The following ESPNL variants were observed in gnomAD, a reference collection of about 807,000 sequenced individuals.
ESPNL encodes the protein espin-like protein.
In ESPNL, 49 loss-of-function variants were observed where a neutral mutation model predicts 46.8. The ratio of observed to expected loss-of-function variants is 1.05; its 90% CI spans 0.83 to 1.33. The LOEUF is 1.33. Among genes scored for constraint, ESPNL ranks in the 40% most tolerant of loss-of-function variants. ESPNL has a pLI of 0.00. For missense variants in ESPNL, 1,540 were observed against 1,436.6 expected (o/e 1.07, Z -1.16); for synonymous variants, 664 against 662.1 (o/e 1.00, Z -0.04).
At chr2:238,112,439 A>G (rs1691734103) in intron 4 of ESPNL, among the ~76,000 whole-genome samples, 1 of 151,648 alleles carries the variant, frequency 6.6e-6, no homozygotes, top group East Asian at 1.9e-4. Context: ...GTTAGTCAGT[A>G]GTTTTTCCAA....
intron 3 of ESPNL, among the ~76,000 whole-genome samples, chr2:238,106,180 T>C (rs923784046): frequency 1.3e-5 from 2 of 152,190 alleles, no homozygotes; most frequent in African/African-American, 4.8e-5. Flanking sequence ...CTTCACCACC[T>C]GCTACGTTCC....
Position 238,128,205 on chromosome 2 carries a change from C to T in ESPNL, c.1215+471C>T, listed in dbSNP as rs533398879. ...AGAAAGCCAGCCCAGACTTTCCCTG[C>T]GTGGTACTGCAGATTCTCAACCATT... On this transcript the variant is annotated intron_variant, in intron 7 of 8. Transcript: ENST00000343063. Among the ~76,000 whole-genome samples, 8 of 152,320 alleles carry T rather than the reference C, an allele frequency of 5.3e-5. No individual in the cohort carries two copies. In the East Asian group the frequency reaches 9.7e-4, roughly 18 times the overall value.
At chr2:238,126,921 C>CTGTGTGTCTGTGATTGTCTA (rs1553574033) in intron 6 of ESPNL, among the ~76,000 whole-genome samples, 1 of 146,640 alleles carries the variant, frequency 6.8e-6, no homozygotes, top group South Asian at 2.2e-4. Flanking sequence ...ATGATCGTGT[C>CTGTGTGTCTGTGATTGTCTA]TGTGTGTCTG....
At chr2:238,103,752 G>A (rs2106464022) in intron 2 of ESPNL, among the ~76,000 whole-genome samples, 1 of 152,342 alleles carries the variant, frequency 6.6e-6, no homozygotes, top group African/African-American at 2.4e-5. Context: ...CAGCCCTTTG[G>A]GGCACATTCC....
At chr2:238,102,607 C>T (rs1309818441) in intron 2 of ESPNL, among the ~76,000 whole-genome samples, 1 of 152,152 alleles carries the variant, frequency 6.6e-6, no homozygotes, top group Non-Finnish European at 1.5e-5. Context: ...CCCCTAGAGC[C>T]GGGCGCTGGC....
chr2:238,100,697 G>C lies in ESPNL; in HGVS notation c.278G>C (p.Gly93Ala), dbSNP rs1691447113. Residue 93 changes from glycine to alanine, a missense_variant, in exon 1 of 9, where the codon GGG becomes GCG. Transcript: ENST00000343063. ...GAGCTGTGCTGGCTGGTCCGCGAGG[G>C]GGGCTGCGGTCTGCAGGTGAGCGGG... ...LAELCWLVRE[G>A]GCGLQDQDAS... 1 of 1,421,578 alleles carries C rather than the reference G, an allele frequency of 7.0e-7. No homozygotes were observed. The highest frequency in any genetic ancestry group is 9.1e-7 in the Non-Finnish European group (1 of 1,097,258). 88.1% of individuals were successfully genotyped at this position (1,421,578 alleles called of 1,614,324 possible).
At chr2:238,102,474 C>T (rs1357525653) in intron 2 of ESPNL, among the ~76,000 whole-genome samples, 1 of 152,152 alleles carries the variant, frequency 6.6e-6, no homozygotes, top group Non-Finnish European at 1.5e-5. Flanking sequence ...CAGCTGGGGA[C>T]GTGGGCAGCT....
At position 238,125,286 on chromosome 2, in the gene ESPNL, C is replaced by T. The variant is rs575038995; in HGVS notation, c.1004C>T (p.Thr335Met). The T allele has an allele frequency of 2.1e-5, 32 of 1,526,298 alleles. No homozygotes were observed. The highest frequency in any genetic ancestry group is 9.7e-5 in the African/African-American group (7 of 72,204). 94.5% of individuals were successfully genotyped at this position (1,526,298 alleles called of 1,614,324 possible). A position where few individuals can be genotyped will look rare whatever the true frequency, so the allele number is the denominator to read the frequency against. Residue 335 changes from threonine (T) to methionine (M), a missense_variant, in exon 6 of 9, where the codon ACG becomes ATG. Thr to Met is a moderately conservative substitution (Grantham distance 81). Coordinates refer to ENST00000343063, the MANE Select transcript of ESPNL (RefSeq NM_194312.4). ...CACCCACAGGTGCCCCTGCTGATGACGCCCCCACCACCACCGTTCCCCCCA... is the reference window on the plus strand; with the variant it reads ...CACCCACAGGTGCCCCTGCTGATGATGCCCCCACCACCACCGTTCCCCCCA... ...EVAQPVPLLM[T>M]PPPPPFPPPP...
chr2:238,131,264 C>G lies in ESPNL; in HGVS notation c.2550C>G (p.Tyr850Ter). 1 of 1,576,764 alleles carries G rather than the reference C, an allele frequency of 6.3e-7. No individual in the cohort carries two copies. Among genetic ancestry groups the G allele is most frequent in the Non-Finnish European group, 8.6e-7 (1 of 1,163,534 alleles). ...ACGTGGACGGGGCTCCGGTGCCCTA[C>G]AGCAGCCTCTCACTGGATCTCTTCA... ...LPHVDGAPVP[Y>*]SSLSLDLFML... is the part of the protein sequence containing the mutation. The change falls in exon 9 of 9, where the codon TAC becomes TAG. Residue 850 changes from tyrosine to a stop codon, truncating the protein, a stop_gained. Coordinates refer to ENST00000343063, the MANE Select transcript of ESPNL (RefSeq NM_194312.4). LOFTEE classifies it low-confidence loss of function (END_TRUNC).
In ESPNL at chr2:238,100,697, G is replaced by A; in HGVS notation, c.278G>A (p.Gly93Glu). 7.0e-7 allele frequency: 1 copy of A among 1,421,696 alleles called. No individual in the cohort carries two copies. Among genetic ancestry groups the A allele is most frequent in the Non-Finnish European group, 9.1e-7 (1 of 1,097,250 alleles). 88.1% of individuals were successfully genotyped at this position (1,421,696 alleles called of 1,614,324 possible). Residue 93 changes from glycine (G) to glutamate (E), a missense_variant, in exon 1 of 9, where the codon GGG becomes GAG. Coordinates refer to ENST00000343063, the MANE Select transcript of ESPNL (RefSeq NM_194312.4). ...LAELCWLVRE[G>E]GCGLQDQDAS... ...GAGCTGTGCTGGCTGGTCCGCGAGG[G>A]GGGCTGCGGTCTGCAGGTGAGCGGG... is the stretch of plus-strand genomic sequence containing the variant.
chr2:238,129,261 C>T, intron 8 of ESPNL: 1 of 1,172,242 alleles, frequency 8.5e-7, no homozygotes, highest in Non-Finnish European at 1.1e-6. Context: ...GTGCGATTCC[C>T]ACTGCTGTGG....
rs865786195 is a variant in ESPNL at position 238,114,533 on chromosome 2, C to T, written c.856-2370C>T. Reference sequence around the variant, plus strand: ...GGCTTCAGCGACCTGCCCCAGCCTCCCCAGCCCCGGTGTCCTTGCACATCT... The same window carrying T: ...GGCTTCAGCGACCTGCCCCAGCCTCTCCAGCCCCGGTGTCCTTGCACATCT... On this transcript the variant is annotated intron_variant, in intron 4 of 8. Transcript: ENST00000343063. The surrounding 1 kb of genome is among the most constrained non-coding windows in gnomAD (Gnocchi z 5.0). Among the ~76,000 whole-genome samples the T allele has an allele frequency of 9.9e-5, 15 of 152,282 alleles. No individual in the cohort carries two copies. The highest frequency in any genetic ancestry group is 6.8e-3 in the Middle Eastern group (2 of 294).
chr2:238,104,606 G>A (rs773152342), intron 2 of ESPNL, 50 bp from the exon 3 acceptor site: 2 of 1,492,534 alleles, frequency 1.3e-6, no homozygotes, highest in East Asian at 2.5e-5. Flanking sequence ...CCGAGGGATG[G>A]GCTCAGCCAT....
intron 5 of ESPNL, 50 bp downstream of exon 5, chr2:238,117,084 G>A (rs746872078): frequency 8.3e-6 from 13 of 1,562,710 alleles, no homozygotes; most frequent in Non-Finnish European, 1.1e-5. Flanking sequence ...GGTGGGCCCA[G>A]ACCCCAGCCA....
chr2:238,127,704 G>C lies in ESPNL; in HGVS notation c.1185G>C (p.Arg395Ser), dbSNP rs1436337424. 5.6e-6 allele frequency: 9 copies of C among 1,612,132 alleles called. No individual in the cohort carries two copies. Among genetic ancestry groups the C allele is most frequent in the African/African-American group, 2.7e-5 (2 of 74,840 alleles). The part of the protein sequence containing the change: ...REQMTSPAPP[R>S]IITSATADPE... Reference sequence around the variant, plus strand: ...AGATGACCAGCCCGGCCCCTCCGAGGATCATCACCAGTGCCACGGCTGACC... The same window carrying C: ...AGATGACCAGCCCGGCCCCTCCGAGCATCATCACCAGTGCCACGGCTGACC... Residue 395 changes from arginine (R) to serine (S), a missense_variant, in exon 7 of 9, where the codon AGG becomes AGC. Arg to Ser is a moderately radical substitution (Grantham distance 110, BLOSUM62 -1). Transcript: ENST00000343063.
At chr2:238,124,604 T>G (rs1374095937) in intron 5 of ESPNL, among the ~76,000 whole-genome samples, 1 of 141,118 alleles carries the variant, frequency 7.1e-6, no homozygotes, top group African/African-American at 2.7e-5. Context: ...AGTGTACGTG[T>G]GTGTGCAGGA....
At chr2:238,120,432 C>T (rs1024884613) in intron 5 of ESPNL, among the ~76,000 whole-genome samples, 11 of 152,234 alleles carry the variant, frequency 7.2e-5, no homozygotes, top group African/African-American at 2.2e-4. Flanking sequence ...ACACTGTTCC[C>T]GCCCCAGCCA....
intron 4 of ESPNL, among the ~76,000 whole-genome samples, chr2:238,115,918 C>T (rs957367705): frequency 2.6e-5 from 4 of 152,300 alleles, no homozygotes; most frequent in South Asian, 2.1e-4. Context: ...GTGATCCACC[C>T]GCCTTGGCCT....
Position 238,127,740 on chromosome 2 carries a change from T to C in ESPNL, c.1215+6T>C. ...GTGCCACGGCTGACCCCGAGGTTCG[T>C]CCTCCACCCCTGCATTCCTGTCTCC... On this transcript the variant is annotated splice_donor_region_variant and intron_variant, in intron 7 of 8. Coordinates refer to ENST00000343063, the MANE Select transcript of ESPNL (RefSeq NM_194312.4). 1.2e-6 allele frequency: 2 copies of C among 1,601,560 alleles called. No individual in the cohort carries two copies. Among genetic ancestry groups the C allele is most frequent in the Non-Finnish European group, 1.7e-6 (2 of 1,174,358 alleles).
Sources: gnomAD v4.1 joint callset for allele counts (sites outside exome capture counted in the v4.1 genomes callset) on GRCh38, gnomAD v4.1.1 for gene constraint, Gnocchi (gnomAD v3.1) non-coding constraint, MANE v1.5 for transcripts, NCBI Gene and HGNC (gene_info 2026-07-23, HGNC 2026-07-21) for gene names.